Variants in VAC14 observed in about 807,000 individuals in gnomAD.
VAC14 encodes the protein VAC14 component of PIKFYVE complex, also known as protein VAC14 homolog.
In VAC14, 47 loss-of-function variants were observed where a neutral mutation model predicts 85.3. That is an observed-to-expected ratio of 0.55 (90% CI 0.44 to 0.70). The LOEUF (loss-of-function observed/expected upper bound fraction) is 0.70. Ranked by LOEUF, VAC14 falls within the 30% of genes least tolerant of loss-of-function variation. The pLI, the probability that VAC14 is intolerant of heterozygous loss-of-function variation, is 0.00. For missense variants in VAC14, 861 were observed against 1,004.3 expected (o/e 0.86, Z 1.93); for synonymous variants, 447 against 430.5 (o/e 1.04, Z -0.47).
chr16:70,747,645 G>A (rs924704534), intron 12 of VAC14: 3 of 152,118 alleles, frequency 2.0e-5, no homozygotes, highest in Admixed American at 6.5e-5. Flanking sequence ...AGCACGGTGA[G>A]GAGATCTGTG....
chr16:70,715,850 T>C (rs1168446704), intron 14 of VAC14: 1 of 152,204 alleles, frequency 6.6e-6, no homozygotes, highest in African/African-American at 2.4e-5. Flanking sequence ...GATACATGTA[T>C]TTTTAAATTT....
chr16:70,791,115 T>C (rs1392978829), intron 1 of VAC14, among the ~76,000 whole-genome samples: 1 of 152,222 alleles, frequency 6.6e-6, no homozygotes, highest in Non-Finnish European at 1.5e-5. Context: ...CACAGGCTTC[T>C]ACTCCAGCCA....
Position 70,730,366 on chromosome 16 carries a change from T to C in VAC14, c.1661+1129A>G, listed in dbSNP as rs566529484. Among the ~76,000 whole-genome samples the C allele has an allele frequency of 4.6e-5, 7 of 152,208 alleles. No homozygotes were observed. In the East Asian group the frequency reaches 5.8e-4, roughly 13 times the overall value. ...CCTGAGTAAGGTCTCTGATCCTCAC[T>C]GTGGCCCACAGGCTGAAGCTGCTTA... On this transcript the variant is annotated intron_variant, in intron 14 of 18. Coordinates refer to ENST00000261776, the MANE Select transcript of VAC14 (RefSeq NM_018052.5).
At chr16:70,800,031 G>C (rs562075508) in intron 1 of VAC14, among the ~76,000 whole-genome samples, 1 of 152,056 alleles carries the variant, frequency 6.6e-6, no homozygotes, top group African/African-American at 2.4e-5. Flanking sequence ...CAGTTTCACA[G>C]CCTGCTTCTT....
intron 18 of VAC14, chr16:70,688,574 T>C: frequency 1.0e-6 from 1 of 985,686 alleles, no homozygotes. Flanking sequence ...TGGCAGGACA[T>C]TTGTTTTTGA....
rs772550761 is a variant in VAC14 at position 70,701,820 on chromosome 16, C to T, written c.1662-3009G>A. On this transcript the variant is annotated intron_variant, in intron 14 of 18. Transcript: ENST00000261776. ...CCTCTTGCTGTCCCTCCTCCACTCA[C>T]GGCATTCTAGCCTCTTGGGTTTTTT... Among the ~76,000 whole-genome samples, 6 of 152,236 alleles carry T rather than the reference C, an allele frequency of 3.9e-5. No individual in the cohort carries two copies. In the East Asian group the frequency reaches 5.8e-4, roughly 15 times the overall value.
intron 2 of VAC14, 102 bp downstream of exon 2, chr16:70,786,113 G>A (rs1166711242): frequency 1.1e-5 from 17 of 1,519,188 alleles, no homozygotes; most frequent in Non-Finnish European, 1.3e-5. Flanking sequence ...TAAAACATAG[G>A]TCTGCAATGC....
intron 10 of VAC14, among the ~76,000 whole-genome samples, chr16:70,764,057 G>A (rs367941585): frequency 1.3e-5 from 2 of 152,190 alleles, no homozygotes; most frequent in Non-Finnish European, 1.5e-5. Flanking sequence ...GTATAAAACC[G>A]TCTCTTCGTG....
chr16:70,754,467 T>C (rs1597942903), intron 12 of VAC14, among the ~76,000 whole-genome samples: 1 of 152,218 alleles, frequency 6.6e-6, no homozygotes, highest in African/African-American at 2.4e-5. Context: ...GGCTGGAGTC[T>C]AGCTGCTTTG....
intron 9 of VAC14, among the ~76,000 whole-genome samples, chr16:70,774,412 C>T (rs776995457): frequency 3.3e-5 from 5 of 152,178 alleles, no homozygotes; most frequent in Non-Finnish European, 4.4e-5. Context: ...ATCGGGGGAA[C>T]GTGTTGTCTG....
intron 5 of VAC14, 56 bp downstream of exon 5, chr16:70,784,057 A>G (rs1383119813): frequency 7.0e-7 from 1 of 1,437,038 alleles, no homozygotes; most frequent in East Asian, 2.3e-5. Context: ...AGAGTGTGCT[A>G]GAGAGCAGAT....
At chr16:70,745,965 G>A (rs542785071) in intron 12 of VAC14, among the ~76,000 whole-genome samples, 1 of 152,342 alleles carries the variant, frequency 6.6e-6, no homozygotes, top group South Asian at 2.1e-4. Context: ...GGATTAAAAT[G>A]TTGTGGAATT....
At chr16:70,703,173 T>C (rs2053861310) in intron 14 of VAC14, among the ~76,000 whole-genome samples, 1 of 152,230 alleles carries the variant, frequency 6.6e-6, no homozygotes, top group South Asian at 2.1e-4. Context: ...CCAGCCCAGC[T>C]TGAGTTGCCT....
At chr16:70,697,358 G>T in intron 15 of VAC14, 101 bp from the exon 16 acceptor site, 1 of 937,046 alleles carries the variant, frequency 1.1e-6, no homozygotes, top group Non-Finnish European at 1.6e-6. Context: ...TAAGTCCCAG[G>T]GGCCTTCAGT....
intron 13 of VAC14, among the ~76,000 whole-genome samples, chr16:70,736,278 G>A (rs1216655705): frequency 6.6e-6 from 1 of 152,248 alleles, no homozygotes; most frequent in Admixed American, 6.5e-5. Flanking sequence ...CGCACAGTCT[G>A]CACTCAGTAC....
intron 14 of VAC14, among the ~76,000 whole-genome samples, chr16:70,706,489 A>T (rs2053922324): frequency 6.6e-6 from 1 of 152,126 alleles, no homozygotes; most frequent in South Asian, 2.1e-4. Context: ...TGGCTCACTG[A>T]CCATGCACAG....
intron 14 of VAC14, among the ~76,000 whole-genome samples, chr16:70,721,237 G>A (rs2054284422): frequency 6.6e-6 from 1 of 152,188 alleles, no homozygotes; most frequent in Non-Finnish European, 1.5e-5. Flanking sequence ...AAGCCAGAAA[G>A]GACGTATAGA....
At chr16:70,772,234 C>A (rs1303811354) in intron 9 of VAC14, 62 bp from the exon 10 acceptor site, 1 of 1,410,912 alleles carries the variant, frequency 7.1e-7, no homozygotes, top group Non-Finnish European at 1.0e-6. Context: ...ATAAACAAGA[C>A]CCCTGTGACA....
chr16:70,752,728 C>T (rs539371566), intron 12 of VAC14, among the ~76,000 whole-genome samples: 228 of 152,360 alleles, frequency 1.5e-3, no homozygotes, highest in Non-Finnish European at 2.7e-3. Context: ...CCATAGGCCT[C>T]GCTTCCAATC....
Sources: gnomAD v4.1 joint callset for allele counts (sites outside exome capture counted in the v4.1 genomes callset) on GRCh38, gnomAD v4.1.1 for gene constraint, MANE v1.5 for transcripts, NCBI Gene and HGNC (gene_info 2026-07-23, HGNC 2026-07-21) for gene names.